Variants in CHST3 observed in about 807,000 individuals in gnomAD.
CHST3 encodes carbohydrate sulfotransferase 3.
Under a neutral mutation model 35.4 loss-of-function variants are expected in CHST3, and 20 were observed. The observed-to-expected ratio is 0.57, with a 90% CI of 0.40 to 0.82. The LOEUF (loss-of-function observed/expected upper bound fraction) is 0.82, where lower values mean the gene tolerates loss of function less well. Ranked by LOEUF, CHST3 falls within the 40% of genes least tolerant of loss-of-function variation. The pLI is 0.00. For synonymous variants in CHST3, 334 were observed against 295.9 expected (o/e 1.13, Z -1.32); for missense variants, 693 against 670.1 (o/e 1.03, Z -0.38).
chr10:71,979,690 T>C (rs1167855605), intron 1 of CHST3, among the ~76,000 whole-genome samples: 1 of 152,052 alleles, frequency 6.6e-6, no homozygotes, highest in Non-Finnish European at 1.5e-5. Flanking sequence ...ATTGTTTTTA[T>C]TTTTTTTCTC....
At chr10:71,980,029 T>C (rs1426260701) in intron 1 of CHST3, among the ~76,000 whole-genome samples, 2 of 152,200 alleles carry the variant, frequency 1.3e-5, no homozygotes, top group African/African-American at 2.4e-5. Context: ...CCTACATGAC[T>C]GTATCGGATG....
chr10:71,975,322 C>T (rs970531259), intron 1 of CHST3, among the ~76,000 whole-genome samples: 1 of 152,336 alleles, frequency 6.6e-6, no homozygotes, highest in African/African-American at 2.4e-5. Flanking sequence ...GCCACACAGC[C>T]AGGATTCACA....
intron 1 of CHST3, among the ~76,000 whole-genome samples, chr10:71,974,332 A>T (rs1278991487): frequency 1.3e-5 from 2 of 152,162 alleles, no homozygotes; most frequent in African/African-American, 4.8e-5. Context: ...CATTTCACAG[A>T]TGAGGAAACT....
chr10:72,000,102 C>T lies in CHST3; in HGVS notation c.-107-5634C>T, dbSNP rs185204036. On this transcript the variant is annotated intron_variant, in intron 1 of 2. Coordinates refer to ENST00000373115, the MANE Select transcript of CHST3 (RefSeq NM_004273.5). ...AGCATGCACCTGTGGCCCACACGCT[C>T]ATGCTCACAGCCACTCATGTATGGA... is the stretch of plus-strand genomic sequence containing the variant. Among the ~76,000 whole-genome samples the T allele has an allele frequency of 8.2e-4, 124 of 151,562 alleles. 1 individual carries two copies. Among genetic ancestry groups the T allele is most frequent in the African/African-American group, 2.9e-3 (119 of 41,568 alleles).
chr10:72,007,664 C>G lies in CHST3; in HGVS notation c.633C>G (p.Pro211=), dbSNP rs565957683. Residue 211 remains proline, a synonymous_variant, in exon 3 of 3, where the codon CCC becomes CCG. Transcript: ENST00000373115. ...TGGAGCACTTCATCACGCCGCTGCC[C>G]GAGGACCACCTGACTCAGTTCATGT... ...YVLEHFITPL[P]EDHLTQFMFR... is the part of the protein sequence containing the mutation. The G allele has an allele frequency of 2.5e-6, 4 of 1,609,198 alleles. No homozygotes were observed. Among genetic ancestry groups the G allele is most frequent in the African/African-American group, 2.7e-5 (2 of 75,040 alleles).
At position 72,007,884 on chromosome 10, in the gene CHST3, C is replaced by T. The variant is rs868146865; in HGVS notation, c.853C>T (p.Pro285Ser). 6.9e-6 allele frequency: 11 copies of T among 1,587,796 alleles called. No individual in the cohort carries two copies. In the Admixed American group the frequency reaches 1.6e-4, roughly 23 times the overall value. The change falls in exon 3 of 3, where the codon CCG (proline) becomes TCG (serine). Residue 285 changes from proline to serine, a missense_variant. Transcript: ENST00000373115. ...CATCCGGCAGCTGGAGTTCCTGCAG[C>T]CGCTGGCCGAGGACCCCCGCCTGGA... ...VRIRQLEFLQ[P>S]LAEDPRLDLR...
chr10:72,006,673 C>G (rs1297359962), intron 2 of CHST3, among the ~76,000 whole-genome samples: 2 of 152,232 alleles, frequency 1.3e-5, no homozygotes, highest in African/African-American at 4.8e-5. Flanking sequence ...GTTCTCCTCC[C>G]AGGCACAAGC....
In CHST3 at chr10:72,007,953, G is replaced by T. The variant is rs1840062598; in HGVS notation, c.922G>T (p.Ala308Ser). The T allele has an allele frequency of 1.3e-6, 2 of 1,549,550 alleles. No homozygotes were observed. Among genetic ancestry groups the T allele is most frequent in the Non-Finnish European group, 1.7e-6 (2 of 1,146,690 alleles). Residue 308 changes from alanine (A) to serine (S), a missense_variant, in exon 3 of 3, where the codon GCC (alanine) becomes TCC (serine). By Grantham distance (99) the Ala-to-Ser change is moderately conservative. Coordinates refer to ENST00000373115, the MANE Select transcript of CHST3 (RefSeq NM_004273.5). ...GGTGCGCGACCCCCGGGCCGTGCTG[G>T]CCTCGCGCATGGTGGCCTTCGCCGG... The part of the protein sequence containing the change: ...QLVRDPRAVL[A>S]SRMVAFAGKY...
rs113456697 is a variant in CHST3, at chr10:71,970,734, T to G, written c.-108+6040T>G. Among the ~76,000 whole-genome samples, 52 of 152,332 alleles carry G rather than the reference T, an allele frequency of 3.4e-4. 1 individual carries two copies. The highest frequency in any genetic ancestry group is 1.2e-3 in the African/African-American group (50 of 41,576). ...TGGTTGGTGAGTTTAACTTTGATGGTGCAGAATGATGAGACTTTTCTCCAT... is the reference window on the plus strand; with the variant it reads ...TGGTTGGTGAGTTTAACTTTGATGGGGCAGAATGATGAGACTTTTCTCCAT... On this transcript the variant is annotated intron_variant, in intron 1 of 2. Transcript: ENST00000373115.
rs1278257828 is a variant in CHST3 at position 72,008,151 on chromosome 10, G to T, written c.1120G>T (p.Val374Leu). ...GRYMLVRYED[V>L]ARGPLQKARE... ...CTACATGCTGGTGCGCTACGAGGAC[G>T]TGGCACGCGGGCCGCTGCAGAAGGC... The change falls in exon 3 of 3, where the codon GTG (valine) becomes TTG (leucine). Residue 374 changes from valine to leucine, a missense_variant. Val to Leu is a conservative substitution (Grantham distance 32, BLOSUM62 1). Transcript: ENST00000373115. The T allele has an allele frequency of 5.2e-6, 8 of 1,548,552 alleles. No homozygotes were observed. The highest frequency in any genetic ancestry group is 1.4e-5 in the African/African-American group (1 of 73,104).
intron 1 of CHST3, among the ~76,000 whole-genome samples, chr10:71,996,451 C>CGTGTGTGTGTGTGT (rs10564775): frequency 1.2e-4 from 17 of 146,490 alleles, no homozygotes; most frequent in African/African-American, 4.1e-4. Context: ...TGTGTCTCTG[C>CGTGTGTGTGTGTGT]GTGTGTGTGT....
intron 1 of CHST3, among the ~76,000 whole-genome samples, chr10:71,973,141 G>C (rs987355091): frequency 6.6e-6 from 1 of 152,240 alleles, no homozygotes; most frequent in African/African-American, 2.4e-5. Flanking sequence ...AGGGTGGCAG[G>C]AGTCGTGGTG....
At chr10:71,975,448 A>G (rs1176572712) in intron 1 of CHST3, among the ~76,000 whole-genome samples, 1 of 152,232 alleles carries the variant, frequency 6.6e-6, no homozygotes, top group Non-Finnish European at 1.5e-5. Context: ...GATAAATTGT[A>G]TAGTGCAGAC....
intron 1 of CHST3, among the ~76,000 whole-genome samples, chr10:71,982,543 A>C (rs564826403): frequency 5.6e-4 from 85 of 152,300 alleles, no homozygotes; most frequent in African/African-American, 2.0e-3. Flanking sequence ...TCTTGAGGCC[A>C]GGAGTTTGAG....
chr10:72,000,007 G>A (rs754158915), intron 1 of CHST3, among the ~76,000 whole-genome samples: 3 of 152,200 alleles, frequency 2.0e-5, no homozygotes, highest in Non-Finnish European at 4.4e-5. Flanking sequence ...AGTTATGTGC[G>A]GTCCCAAGTG....
chr10:71,970,636 A>G (rs561693316), intron 1 of CHST3, among the ~76,000 whole-genome samples: 64 of 152,298 alleles, frequency 4.2e-4, no homozygotes, highest in African/African-American at 1.5e-3. Flanking sequence ...CGGGGGTCCC[A>G]GCTCAGCCCT....
At chr10:71,997,679 T>TA (rs1393110982) in intron 1 of CHST3, among the ~76,000 whole-genome samples, 5 of 135,958 alleles carry the variant, frequency 3.7e-5, no homozygotes, top group African/African-American at 5.2e-5. Flanking sequence ...CCTGTCTCCA[T>TA]AAATTTTTTT....
intron 1 of CHST3, among the ~76,000 whole-genome samples, chr10:71,991,785 T>A (rs922335732): frequency 6.6e-6 from 1 of 151,874 alleles, no homozygotes; most frequent in South Asian, 2.1e-4. Flanking sequence ...ATACAAAAAA[T>A]TAGCCAGGCA....
chr10:71,981,948 A>G (rs2091331), intron 1 of CHST3, among the ~76,000 whole-genome samples: 96,824 of 152,152 alleles, frequency 0.64, 31,832 homozygotes, highest in African/African-American at 0.81. Flanking sequence ...CATGCCCAGC[A>G]GGGATGCAGC....
Sources: gnomAD v4.1 joint callset for allele counts (sites outside exome capture counted in the v4.1 genomes callset) on GRCh38, gnomAD v4.1.1 for gene constraint, MANE v1.5 for transcripts, NCBI Gene and HGNC (gene_info 2026-07-23, HGNC 2026-07-21) for gene names.